DNAH3: variants seen among roughly 807,000 people sequenced by gnomAD.
DNAH3 encodes the protein dynein axonemal heavy chain 3.
Under a neutral mutation model 432.5 loss-of-function variants are expected in DNAH3, and 332 were observed. The ratio of observed to expected loss-of-function variants is 0.77; its 90% confidence interval spans 0.70 to 0.84. The LOEUF is 0.84. Ranked by LOEUF, DNAH3 falls within the 40% of genes least tolerant of loss-of-function variation. The pLI is 0.00. For synonymous variants in DNAH3, 1,956 were observed against 1,900.2 expected (o/e 1.03, Z -0.76); for missense variants, 4,861 against 5,114.0 (o/e 0.95, Z 1.51).
chr16:20,944,934 C>T (rs1209273684), intron 57 of DNAH3, among the ~76,000 whole-genome samples: 3 of 152,106 alleles, frequency 2.0e-5, no homozygotes. Flanking sequence ...GGCTTTGGAC[C>T]CAAACAGAAC....
chr16:20,956,538 G>A (rs1241272249), intron 54 of DNAH3, among the ~76,000 whole-genome samples: 4 of 152,116 alleles, frequency 2.6e-5, no homozygotes, highest in Non-Finnish European at 5.9e-5. Flanking sequence ...GAGAACTTGA[G>A]TTCATGATTT....
intron 41 of DNAH3, 183 bp downstream of exon 41, chr16:21,019,441 T>G: frequency 1.4e-6 from 1 of 723,632 alleles, no homozygotes; most frequent in Admixed American, 2.9e-5. Flanking sequence ...ATTACCAGTG[T>G]GAGACACCAC....
chr16:20,935,210 T>C, intron 61 of DNAH3, 138 bp downstream of exon 61: 1 of 986,984 alleles, frequency 1.0e-6, no homozygotes, highest in Non-Finnish European at 1.5e-6. Context: ...TACTGTAAAT[T>C]ATGCTAAATG....
chr16:20,994,986 G>C (rs2086704026), intron 44 of DNAH3, among the ~76,000 whole-genome samples: 1 of 152,096 alleles, frequency 6.6e-6, no homozygotes, highest in Admixed American at 6.6e-5. Flanking sequence ...CCAGGTTGGA[G>C]TATTGTGGTG....
chr16:21,104,284 C>T, intron 16 of DNAH3, 187 bp downstream of exon 16: 1 of 587,718 alleles, frequency 1.7e-6, no homozygotes, highest in Non-Finnish European at 3.1e-6. Flanking sequence ...TACAGTGAAG[C>T]AGTCTTAAAG....
intron 27 of DNAH3, among the ~76,000 whole-genome samples, chr16:21,055,806 C>A (rs2090112704): frequency 6.8e-6 from 1 of 147,930 alleles, no homozygotes; most frequent in Non-Finnish European, 1.5e-5. Context: ...AGTGCACAGG[C>A]ACAAACATGG....
At chr16:20,970,045 G>T in intron 51 of DNAH3, 55 bp from the exon 52 acceptor site, 4 of 1,538,228 alleles carry the variant, frequency 2.6e-6, no homozygotes, top group Non-Finnish European at 3.6e-6. Context: ...GCACAATGGG[G>T]GCGAAGCAGA....
chr16:20,958,411 A>C (rs1350055828), intron 54 of DNAH3, among the ~76,000 whole-genome samples: 2 of 152,156 alleles, frequency 1.3e-5, no homozygotes, highest in Non-Finnish European at 1.5e-5. Context: ...TTTAAAAATC[A>C]GACTTGCTCA....
intron 16 of DNAH3, among the ~76,000 whole-genome samples, chr16:21,103,357 G>C (rs550962655): frequency 7.3e-5 from 11 of 151,352 alleles, no homozygotes; most frequent in African/African-American, 1.7e-4. Flanking sequence ...GTGTGTGTGG[G>C]GGGGGGCAGG....
At chr16:21,145,301 T>C (rs1453842606) in exon 3 of DNAH3, 7 of 1,614,144 alleles carry the variant, frequency 4.3e-6, no homozygotes, top group Non-Finnish European at 5.9e-6. Context: ...TTGTTGGCGA[T>C]GGAATCACTG....
At chr16:21,094,731 A>T (rs1057120351) in intron 18 of DNAH3, among the ~76,000 whole-genome samples, 1 of 152,104 alleles carries the variant, frequency 6.6e-6, no homozygotes, top group African/African-American at 2.4e-5. Flanking sequence ...CTGTGTCCCC[A>T]TTCAAATGTC....
At chr16:21,067,376 A>G (rs777511224) in exon 24 of DNAH3, 9 of 1,614,008 alleles carry the variant, frequency 5.6e-6, no homozygotes, top group Non-Finnish European at 7.6e-6. Context: ...CTTCTCTGCC[A>G]TCCGTGGCTG....
exon 23 of DNAH3, chr16:21,069,415 C>T (rs747747427): frequency 6.3e-5 from 102 of 1,612,574 alleles, no homozygotes; most frequent in Middle Eastern, 3.3e-4. Flanking sequence ...AAAAACTTAC[C>T]GCTTGGGACA....
chr16:20,969,459 T>C (rs2085229971), intron 52 of DNAH3, among the ~76,000 whole-genome samples: 1 of 152,220 alleles, frequency 6.6e-6, no homozygotes, highest in African/African-American at 2.4e-5. Flanking sequence ...GCTCTCCTGG[T>C]CACCCACACG....
chr16:21,052,493 G>A (rs2089994605), intron 28 of DNAH3, among the ~76,000 whole-genome samples: 1 of 152,200 alleles, frequency 6.6e-6, no homozygotes, highest in African/African-American at 2.4e-5. Flanking sequence ...ATTCCACCAT[G>A]ACCTAGCTAT....
In DNAH3 at chr16:20,987,928, G is replaced by A. The variant is rs1391888908; in HGVS notation, c.6725+14C>T. 4 of 1,614,196 alleles carry A rather than the reference G, an allele frequency of 2.5e-6. No homozygotes were observed. The highest frequency in any genetic ancestry group is 1.6e-4 in the Middle Eastern group (1 of 6,062). On this transcript the variant is annotated intron_variant, in intron 45 of 61. Coordinates refer to ENST00000261383, the Ensembl canonical transcript of DNAH3. ...CCCCAGCCCACTATCCAGGAAGACA[G>A]AGAAACCTCTTACCTTAAAAACATC... is the stretch of plus-strand genomic sequence containing the variant.
intron 48 of DNAH3, among the ~76,000 whole-genome samples, 163 bp downstream of exon 48, chr16:20,984,886 A>G (rs2086112583): frequency 6.6e-6 from 1 of 152,086 alleles, no homozygotes; most frequent in Admixed American, 6.6e-5. Flanking sequence ...GCTGCTCAGA[A>G]GAGTGAAAAA....
chr16:20,993,942 T>C (rs1326788849), intron 44 of DNAH3, among the ~76,000 whole-genome samples: 1 of 152,234 alleles, frequency 6.6e-6, no homozygotes. Context: ...AGGTATACAA[T>C]GTGCTCTTCC....
intron 27 of DNAH3, among the ~76,000 whole-genome samples, chr16:21,056,603 G>A (rs1025563773): frequency 7.2e-5 from 11 of 152,154 alleles, no homozygotes; most frequent in Non-Finnish European, 1.6e-4. Context: ...TACCAGCACA[G>A]AGCAGATGCC....
Sources: gnomAD v4.1 joint callset for allele counts (sites outside exome capture counted in the v4.1 genomes callset) on GRCh38, gnomAD v4.1.1 for gene constraint, MANE v1.5 for transcripts, NCBI Gene and HGNC (gene_info 2026-07-23, HGNC 2026-07-21) for gene names.